CREB5: variants seen among roughly 807,000 people sequenced by gnomAD.
The protein encoded by CREB5 is cAMP responsive element binding protein 5.
A neutral mutation model predicts 57.1 loss-of-function variants in CREB5; 19 were observed. That is an observed-to-expected ratio of 0.33 (90% CI 0.23 to 0.49). The LOEUF (loss-of-function observed/expected upper bound fraction) is 0.49, where lower values mean the gene tolerates loss of function less well. Among genes scored for constraint, CREB5 ranks in the 20% least tolerant of loss-of-function variants. The pLI, the probability that CREB5 is intolerant of heterozygous loss-of-function variation, is 0.99. For synonymous variants in CREB5, 238 were observed against 238.3 expected (o/e 1.00, Z 0.01); for missense variants, 579 against 671.6 (o/e 0.86, Z 1.52).
intron 5 of CREB5, among the ~76,000 whole-genome samples, chr7:28,626,789 G>A (rs1001426602): frequency 3.3e-5 from 5 of 152,114 alleles, no homozygotes; most frequent in African/African-American, 7.2e-5. Context: ...TGGTGAACAA[G>A]GCAAACTATG....
chr7:28,313,188 G>C (rs991384478), intron 1 of CREB5, among the ~76,000 whole-genome samples: 7 of 152,172 alleles, frequency 4.6e-5, no homozygotes, highest in African/African-American at 1.4e-4. Context: ...GGGCACCACT[G>C]TTTGAGAACC....
chr7:28,467,497 A>G (rs1402751655), intron 1 of CREB5, among the ~76,000 whole-genome samples: 1 of 152,194 alleles, frequency 6.6e-6, no homozygotes, highest in Non-Finnish European at 1.5e-5. Flanking sequence ...ATTCTAGGGT[A>G]CAACTCTGGC....
In CREB5 at chr7:28,608,551, C is replaced by T. The variant is rs919167015; in HGVS notation, c.464+38014C>T. Among the ~76,000 whole-genome samples, 10 of 152,264 alleles carry T rather than the reference C, an allele frequency of 6.6e-5. No homozygotes were observed. In the East Asian group the frequency reaches 1.9e-3, roughly 29 times the overall value. On this transcript the variant is annotated intron_variant, in intron 5 of 10. Coordinates refer to ENST00000357727, the MANE Select transcript of CREB5 (RefSeq NM_182898.4). ...TTATTCAGTCCCAGTCTCCCTGCCTCCCTGGCTCCCACCCTTCCACCCTCC... is the reference window on the plus strand; with the variant it reads ...TTATTCAGTCCCAGTCTCCCTGCCTTCCTGGCTCCCACCCTTCCACCCTCC...
chr7:28,629,130 G>T (rs1468483953), intron 5 of CREB5, among the ~76,000 whole-genome samples: 3 of 152,296 alleles, frequency 2.0e-5, no homozygotes, highest in African/African-American at 7.2e-5. Context: ...ACACTCACAG[G>T]TTGTTGTAGA....
intron 1 of CREB5, among the ~76,000 whole-genome samples, chr7:28,334,312 T>C (rs571988055): frequency 1.8e-4 from 27 of 152,068 alleles, no homozygotes; most frequent in Non-Finnish European, 3.4e-4. Flanking sequence ...TGTACCACCA[T>C]GCCTGGCTAA....
chr7:28,645,514 C>T lies in CREB5; in HGVS notation c.465-73239C>T, dbSNP rs184597839. Among the ~76,000 whole-genome samples, 24 of 152,266 alleles carry T rather than the reference C, an allele frequency of 1.6e-4. No individual in the cohort carries two copies. The East Asian group carries it at 4.1e-3, about 26-fold the overall frequency. On this transcript the variant is annotated intron_variant, in intron 5 of 10. Transcript: ENST00000357727. ...TGCATACACAGGACTCTTGTAAATG[C>T]CTGAGCTGATGTTAATTATAAAATA...
chr7:28,503,977 G>T (rs187186402), intron 3 of CREB5, among the ~76,000 whole-genome samples: 1 of 152,318 alleles, frequency 6.6e-6, no homozygotes, highest in East Asian at 1.9e-4. Context: ...GAAAAGCAAA[G>T]TCGATACCCA....
At chr7:28,741,745 GATATATCCAT>G (rs2128757394) in intron 7 of CREB5, among the ~76,000 whole-genome samples, 1 of 152,202 alleles carries the variant, frequency 6.6e-6, no homozygotes, top group African/African-American at 2.4e-5. Context: ...CACCAGCCAA[GATATATCCAT>G]TTCATAGCCC....
intron 1 of CREB5, among the ~76,000 whole-genome samples, chr7:28,403,032 A>G (rs115235068): frequency 0.012 from 1,891 of 152,314 alleles, 28 homozygotes; most frequent in African/African-American, 0.042. Flanking sequence ...GATTCTGAAA[A>G]CTAAATCATA....
chr7:28,675,405 C>G (rs370073723), intron 5 of CREB5, among the ~76,000 whole-genome samples: 1 of 152,148 alleles, frequency 6.6e-6, no homozygotes, highest in African/African-American at 2.4e-5. Flanking sequence ...AGCCCACCTT[C>G]AGAACTTATG....
chr7:28,678,330 G>A (rs1800418745), intron 5 of CREB5, among the ~76,000 whole-genome samples: 1 of 151,942 alleles, frequency 6.6e-6, no homozygotes, highest in Admixed American at 6.6e-5. Flanking sequence ...GGAGGTTGCA[G>A]TGAGCCAAGA....
chr7:28,360,005 G>A (rs73086429), intron 1 of CREB5, among the ~76,000 whole-genome samples: 18,737 of 152,128 alleles, frequency 0.12, 1,292 homozygotes, highest in Middle Eastern at 0.16. Context: ...AGGGAAACAC[G>A]AATTAAAGCC....
chr7:28,481,098 C>T (rs1187388541), intron 1 of CREB5, among the ~76,000 whole-genome samples: 2 of 152,206 alleles, frequency 1.3e-5, no homozygotes, highest in South Asian at 2.1e-4. Flanking sequence ...CGTGAGAGGA[C>T]GTGAGCCCCC....
At chr7:28,548,600 T>C (rs1361579989) in intron 4 of CREB5, among the ~76,000 whole-genome samples, 1 of 152,196 alleles carries the variant, frequency 6.6e-6, no homozygotes, top group Non-Finnish European at 1.5e-5. Flanking sequence ...TTGGGAACTT[T>C]CCAAAATTCA....
chr7:28,407,932 A>G (rs938416303), upstream of CREB5, among the ~76,000 whole-genome samples: 1 of 152,246 alleles, frequency 6.6e-6, no homozygotes, highest in Non-Finnish European at 1.5e-5. Flanking sequence ...TATAAATGTC[A>G]GATGTTACAT....
At chr7:28,697,242 G>A (rs1171708563) in intron 5 of CREB5, among the ~76,000 whole-genome samples, 1 of 152,074 alleles carries the variant, frequency 6.6e-6, no homozygotes. Flanking sequence ...CTAATGAAGT[G>A]CAGTCAGCAT....
intron 7 of CREB5, among the ~76,000 whole-genome samples, chr7:28,732,720 C>CTTTTTTT (rs35952532): frequency 7.6e-6 from 1 of 131,914 alleles, no homozygotes; most frequent in Non-Finnish European, 1.6e-5. Context: ...CTCTGTCTTG[C>CTTTTTTT]TTTTTTTTTT....
chr7:28,397,194 G>A (rs1026441150), intron 1 of CREB5, among the ~76,000 whole-genome samples: 4 of 152,324 alleles, frequency 2.6e-5, no homozygotes, highest in African/African-American at 9.6e-5. Context: ...CTTTGGTTTA[G>A]GTCCCATATG....
intron 7 of CREB5, among the ~76,000 whole-genome samples, chr7:28,756,559 A>AG (rs1350986585): frequency 6.7e-6 from 1 of 150,228 alleles, no homozygotes; most frequent in East Asian, 2.0e-4. Context: ...TCCATCTCCA[A>AG]AAAAAAAAAA....
Sources: gnomAD v4.1 joint callset for allele counts (sites outside exome capture counted in the v4.1 genomes callset) on GRCh38, gnomAD v4.1.1 for gene constraint, MANE v1.5 for transcripts, NCBI Gene and HGNC (gene_info 2026-07-23, HGNC 2026-07-21) for gene names.